ZNHIT6: variants seen among roughly 807,000 people sequenced by gnomAD.
ZNHIT6 encodes the protein zinc finger HIT-type containing 6, also known as box C/D snoRNA protein 1.
A neutral mutation model predicts 57.2 loss-of-function variants in ZNHIT6; 45 were observed. The observed-to-expected ratio is 0.79, with a 90% confidence interval of 0.62 to 1.01. The LOEUF (loss-of-function observed/expected upper bound fraction) is 1.01. ZNHIT6 is among the 50% of genes least tolerant of loss of function. ZNHIT6 has a pLI of 0.00. For missense variants in ZNHIT6, 528 were observed against 567.3 expected, an observed-to-expected ratio of 0.93 and a Z score of 0.70; for synonymous variants, 188 against 190.0, an observed-to-expected ratio of 0.99 and a Z score of 0.09.
At chr1:85,674,954 CT>C (rs1424022434) in intron 8 of ZNHIT6, among the ~76,000 whole-genome samples, 3 of 152,154 alleles carry the variant, frequency 2.0e-5, no homozygotes, top group Non-Finnish European at 2.9e-5. Flanking sequence ...GGACACACTG[CT>C]TGGGCCCAGA....
At chr1:85,683,502 G>A (rs1465427220) in intron 5 of ZNHIT6, among the ~76,000 whole-genome samples, 2 of 150,680 alleles carry the variant, frequency 1.3e-5, no homozygotes, top group Non-Finnish European at 2.9e-5. Flanking sequence ...CAGCCTGGGC[G>A]ACAGAGCAAG....
chr1:85,653,138 A>G lies in ZNHIT6; in HGVS notation c.*920T>C, dbSNP rs1660959422. On this transcript the variant is annotated 3_prime_UTR_variant, in exon 10 of 10. Coordinates refer to ENST00000370574, the MANE Select transcript of ZNHIT6 (RefSeq NM_017953.4). ...GCACAGAATTCATAAGACTTGAGTA[A>G]GTAGATCCAAATTTGTTATCACTAA... 6.6e-6 allele frequency: 1 copy of G among 152,188 alleles called. No individual in the cohort carries two copies. The highest frequency in any genetic ancestry group is 1.5e-5 in the Non-Finnish European group (1 of 68,038). 9.4% of individuals were successfully genotyped at this position (152,188 alleles called of 1,614,324 possible). A position where few individuals can be genotyped will look rare whatever the true frequency, so the allele number is the denominator to read the frequency against.
chr1:85,660,746 T>TA (rs1033608632), intron 8 of ZNHIT6, among the ~76,000 whole-genome samples: 6 of 152,116 alleles, frequency 3.9e-5, no homozygotes, highest in Non-Finnish European at 7.4e-5. Context: ...TGATTATACT[T>TA]AAAAAAACTT....
chr1:85,656,045 C>A (rs892987754), intron 9 of ZNHIT6, among the ~76,000 whole-genome samples: 3 of 152,146 alleles, frequency 2.0e-5, no homozygotes, highest in Admixed American at 6.6e-5. Context: ...GAAGGAATTT[C>A]AAGGCTTTCC....
At chr1:85,682,099 C>T (rs570055988) in intron 5 of ZNHIT6, among the ~76,000 whole-genome samples, 64 of 150,198 alleles carry the variant, frequency 4.3e-4, no homozygotes, top group African/African-American at 1.4e-3. Flanking sequence ...CTGCAAGCTC[C>T]GCCTCCCGGA....
chr1:85,658,062 A>G, intron 8 of ZNHIT6, 91 bp from the exon 9 acceptor site: 1 of 918,156 alleles, frequency 1.1e-6, no homozygotes, highest in Non-Finnish European at 1.5e-6. Context: ...TTACATTAAA[A>G]ATTTTTTAAA....
intron 5 of ZNHIT6, among the ~76,000 whole-genome samples, chr1:85,696,106 A>C (rs1371357115): frequency 6.6e-6 from 1 of 152,172 alleles, no homozygotes; most frequent in Non-Finnish European, 1.5e-5. Context: ...GTATATATCA[A>C]ATAGAACTCA....
chr1:85,666,014 T>C (rs978694560), intron 8 of ZNHIT6, among the ~76,000 whole-genome samples: 3 of 152,206 alleles, frequency 2.0e-5, no homozygotes, highest in African/African-American at 7.2e-5. Flanking sequence ...GTGATTTCTT[T>C]CACTCAACTG....
At position 85,652,428 on chromosome 1, in the gene ZNHIT6, T is replaced by C. The variant is rs1005133877; in HGVS notation, c.*1630A>G. 5.3e-5 allele frequency: 8 copies of C among 152,212 alleles called. No individual in the cohort carries two copies. Among genetic ancestry groups the C allele is most frequent in the African/African-American group, 1.9e-4 (8 of 41,468 alleles). The allele number at this position is 152,212 out of a possible 1,614,324, so 9.4% of individuals were successfully genotyped here. A position where few individuals can be genotyped will look rare whatever the true frequency, so the allele number is the denominator to read the frequency against. ...GTAATTCTACACAAATTCTTTATCA[T>C]ATATTAGAAGATTCCTGATGTTGCT... is the stretch of plus-strand genomic sequence containing the variant. On this transcript the variant is annotated 3_prime_UTR_variant, in exon 10 of 10. Coordinates refer to ENST00000370574, the MANE Select transcript of ZNHIT6 (RefSeq NM_017953.4).
At chr1:85,667,985 T>TATATATGC (rs1223836311) in intron 8 of ZNHIT6, among the ~76,000 whole-genome samples, 2,108 of 99,310 alleles carry the variant, frequency 0.021, 51 homozygotes, top group Non-Finnish European at 0.035. Context: ...TATATATATA[T>TATATATGC]GCTCTGCTTT....
At chr1:85,678,196 C>T (rs765621859) in intron 7 of ZNHIT6, among the ~76,000 whole-genome samples, 3 of 152,158 alleles carry the variant, frequency 2.0e-5, no homozygotes, top group Non-Finnish European at 2.9e-5. Flanking sequence ...GGACAGGAGG[C>T]AGAGTGTACT....
intron 5 of ZNHIT6, among the ~76,000 whole-genome samples, chr1:85,687,300 A>AAAAAAAC (rs1570317050): frequency 7.7e-6 from 1 of 130,184 alleles, no homozygotes; most frequent in East Asian, 2.6e-4. Flanking sequence ...AAAAAAAAAC[A>AAAAAAAC]AAAAAAAAAA....
chr1:85,707,256 C>T (rs1204015852), intron 1 of ZNHIT6, among the ~76,000 whole-genome samples: 1 of 152,182 alleles, frequency 6.6e-6, no homozygotes, highest in East Asian at 1.9e-4. Flanking sequence ...ACTTAATCTA[C>T]TTTGTCATTG....
chr1:85,697,605 C>T (rs1226232589), intron 5 of ZNHIT6, among the ~76,000 whole-genome samples: 1 of 152,148 alleles, frequency 6.6e-6, no homozygotes, highest in Non-Finnish European at 1.5e-5. Flanking sequence ...CATAAAACTA[C>T]TATAATTTCA....
In ZNHIT6 at chr1:85,657,853, G is replaced by A. The variant is rs1462626031; in HGVS notation, c.1366C>T (p.His456Tyr). ...KGSNNDMKVL[H>Y]QVKSESTKNV... ...GAAACAAATTTACACTTACCTTGGT[G>A]AAGAACTTTCATGTCATTATTGGAT... The change falls in exon 9 of 10, where the codon CAC becomes TAC. Residue 456 changes from histidine to tyrosine, a missense_variant. Physicochemically the swap from His to Tyr is moderately conservative, Grantham distance 83 (BLOSUM62 2). Coordinates refer to ENST00000370574, the MANE Select transcript of ZNHIT6 (RefSeq NM_017953.4). 6.2e-7 allele frequency: 1 copy of A among 1,606,580 alleles called. No homozygotes were observed. Among genetic ancestry groups the A allele is most frequent in the Non-Finnish European group, 8.5e-7 (1 of 1,177,650 alleles).
chr1:85,662,346 A>G (rs1256979074), intron 8 of ZNHIT6, among the ~76,000 whole-genome samples: 2 of 152,156 alleles, frequency 1.3e-5, no homozygotes, highest in Non-Finnish European at 1.5e-5. Context: ...CCTAGGCCAC[A>G]GTATTTTTCC....
intron 4 of ZNHIT6, among the ~76,000 whole-genome samples, chr1:85,705,850 T>G (rs776914562): frequency 1.3e-5 from 2 of 152,186 alleles, no homozygotes; most frequent in Non-Finnish European, 2.9e-5. Flanking sequence ...TATATGAACT[T>G]AACTCTATCT....
At chr1:85,661,657 A>G (rs1415533850) in intron 8 of ZNHIT6, among the ~76,000 whole-genome samples, 1 of 152,128 alleles carries the variant, frequency 6.6e-6, no homozygotes, top group Non-Finnish European at 1.5e-5. Flanking sequence ...TTCTGTTTCC[A>G]CTATCTTGAA....
chr1:85,677,921 C>T (rs1430461372), intron 7 of ZNHIT6, among the ~76,000 whole-genome samples: 1 of 152,154 alleles, frequency 6.6e-6, no homozygotes, highest in African/African-American at 2.4e-5. Context: ...ATAACAATCT[C>T]CGTTTTCGAG....
Sources: gnomAD v4.1 joint callset for allele counts (sites outside exome capture counted in the v4.1 genomes callset) on GRCh38, gnomAD v4.1.1 for gene constraint, MANE v1.5 for transcripts, NCBI Gene and HGNC (gene_info 2026-07-23, HGNC 2026-07-21) for gene names.